The following GINS3 variants were observed in gnomAD, a reference collection of about 807,000 sequenced individuals.
The protein encoded by GINS3 is DNA replication complex GINS protein PSF3.
Under a neutral mutation model 20.0 loss-of-function variants are expected in GINS3, and 18 were observed. The observed-to-expected ratio is 0.90, with a 90% CI of 0.62 to 1.33. The LOEUF (loss-of-function observed/expected upper bound fraction) is 1.33, where lower values mean the gene tolerates loss of function less well. Ranked by LOEUF, GINS3 falls within the 40% of genes most tolerant of loss-of-function variation. The pLI is 0.00. For missense variants in GINS3, 254 were observed against 273.6 expected (o/e 0.93, Z 0.51); for synonymous variants, 109 against 107.0 (o/e 1.02, Z -0.12).
Position 58,403,616 on chromosome 16 carries a change from G to A in GINS3, c.420+285G>A, listed in dbSNP as rs1965987102. On this transcript the variant is annotated intron_variant, in intron 2 of 2. Coordinates refer to ENST00000318129, the MANE Select transcript of GINS3 (RefSeq NM_022770.4). ...AGGAAATGAGAAAAGGGTGATGATGGCCAGGCATGGTGGCTCACACCTGTA... is the reference window on the plus strand; with the variant it reads ...AGGAAATGAGAAAAGGGTGATGATGACCAGGCATGGTGGCTCACACCTGTA... The A allele has an allele frequency of 3.8e-5, 15 of 390,800 alleles. No individual in the cohort carries two copies. The South Asian group carries it at 4.1e-4, about 11-fold the overall frequency. The allele number at this position is 390,800 out of a possible 1,614,324, so 24.2% of individuals were successfully genotyped here.
intron 1 of GINS3, among the ~76,000 whole-genome samples, chr16:58,396,215 G>T (rs1307340428): frequency 2.4e-5 from 3 of 127,344 alleles, no homozygotes; most frequent in African/African-American, 9.4e-5. Context: ...GGGCGGCCGG[G>T]CAGAGGCGCC....
chr16:58,397,484 G>A (rs1237774671), intron 1 of GINS3, among the ~76,000 whole-genome samples: 2 of 151,944 alleles, frequency 1.3e-5, no homozygotes, highest in African/African-American at 4.8e-5. Flanking sequence ...GTATCGAGCC[G>A]AGATCACGCC....
Position 58,392,633 on chromosome 16 carries a change from G to A in GINS3, c.32G>A (p.Gly11Asp). 8 of 1,614,240 alleles carry A rather than the reference G, an allele frequency of 5.0e-6. No individual in the cohort carries two copies. Among genetic ancestry groups the A allele is most frequent in the African/African-American group, 1.3e-5 (1 of 75,076 alleles). MSEAYFRVES[G>D]ALGPEENFLS... ...GAGGCTTATTTCCGAGTGGAGTCGGGTGCGCTGGGGCCTGAGGAGAACTTT... is the reference window on the plus strand; with the variant it reads ...GAGGCTTATTTCCGAGTGGAGTCGGATGCGCTGGGGCCTGAGGAGAACTTT... The change falls in exon 1 of 3, where the codon GGT becomes GAT. Residue 11 changes from glycine (G) to aspartate (D), a missense_variant. By Grantham distance (94) the Gly-to-Asp change is moderately conservative. Coordinates refer to ENST00000318129, the MANE Select transcript of GINS3 (RefSeq NM_022770.4).
intron 1 of GINS3, chr16:58,395,270 TTC>T (rs1271875582): frequency 1.6e-5 from 6 of 372,530 alleles, no homozygotes; most frequent in African/African-American, 4.3e-5. Context: ...TGTCTAAATT[TTC>T]TTTTTTTTTT....
intron 1 of GINS3, among the ~76,000 whole-genome samples, chr16:58,398,654 T>G (rs989942275): frequency 2.0e-5 from 3 of 152,194 alleles, no homozygotes; most frequent in African/African-American, 7.2e-5. Context: ...TAATTTTGCG[T>G]TTTAAAATAC....
chr16:58,400,417 G>T (rs577427227), intron 1 of GINS3, among the ~76,000 whole-genome samples: 1 of 152,340 alleles, frequency 6.6e-6, no homozygotes, highest in African/African-American at 2.4e-5. Context: ...ATTGGAGGCT[G>T]TTCATGTGGC....
chr16:58,394,760 A>G (rs1221521705), intron 1 of GINS3, among the ~76,000 whole-genome samples: 2 of 152,248 alleles, frequency 1.3e-5, no homozygotes, highest in African/African-American at 4.8e-5. Context: ...AAGGGTGCCT[A>G]CTATCAACAG....
At chr16:58,401,471 T>G (rs1965953525) in intron 1 of GINS3, among the ~76,000 whole-genome samples, 1 of 152,170 alleles carries the variant, frequency 6.6e-6, no homozygotes, top group South Asian at 2.1e-4. Flanking sequence ...CCCACCCACA[T>G]CTTGCTGATT....
intron 1 of GINS3, among the ~76,000 whole-genome samples, chr16:58,396,413 G>A (rs1433813258): frequency 4.2e-5 from 5 of 117,802 alleles, no homozygotes; most frequent in African/African-American, 7.2e-5. Flanking sequence ...CCTCCCTCCC[G>A]GACGGGGCGG....
chr16:58,395,950 T>C (rs1339991501), intron 1 of GINS3, among the ~76,000 whole-genome samples: 17 of 129,916 alleles, frequency 1.3e-4, no homozygotes, highest in South Asian at 2.6e-4. Flanking sequence ...GGCGGCTGGC[T>C]GGGCGGGGGG....
Position 58,404,724 on chromosome 16 carries a change from G to A in GINS3, c.646G>A (p.Asp216Asn), listed in dbSNP as rs933732998. The A allele has an allele frequency of 3.7e-6, 6 of 1,612,064 alleles. No individual in the cohort carries two copies. In the African/African-American group the frequency reaches 8.0e-5, roughly 22 times the overall value. Residue 216 changes from aspartate to asparagine, a missense_variant, in exon 3 of 3, where the codon GAC (aspartate) becomes AAC (asparagine). By Grantham distance (23) the Asp-to-Asn change is conservative. Coordinates refer to ENST00000318129, the MANE Select transcript of GINS3 (RefSeq NM_022770.4). ...YKKRKFTDMED is the reference protein window; with the variant it reads ...YKKRKFTDMEN Reference sequence around the variant, plus strand: ...GAAGAGAAAATTCACTGATATGGAAGACTGAAAGCCGGAAGAACACAGAAT... The same window carrying A: ...GAAGAGAAAATTCACTGATATGGAAAACTGAAAGCCGGAAGAACACAGAAT...
At chr16:58,399,236 C>T (rs1282939257) in intron 1 of GINS3, among the ~76,000 whole-genome samples, 1 of 151,348 alleles carries the variant, frequency 6.6e-6, no homozygotes, top group Non-Finnish European at 1.5e-5. Context: ...ATTACTTGAG[C>T]CTAGAAGACC....
rs370877585 is a variant in GINS3, at chr16:58,398,136, C to CCACA, written c.187-4949_187-4946dup. Among the ~76,000 whole-genome samples the CCACA allele has an allele frequency of 5.1e-3, 767 of 150,420 alleles. 6 individuals carry two copies. Among genetic ancestry groups the CCACA allele is most frequent in the African/African-American group, 0.016 (670 of 41,076 alleles). On this transcript the variant is annotated intron_variant, in intron 1 of 2. Transcript: ENST00000318129. ...ACTTTATTTGGGCTTAATTCTCCCACCACACACACACACACAGATACACAT... is the reference window on the plus strand; with the variant it reads ...ACTTTATTTGGGCTTAATTCTCCCACCACACACACACACACACACAGATACACAT...
intron 1 of GINS3, among the ~76,000 whole-genome samples, chr16:58,396,767 C>T (rs1965874608): frequency 8.2e-6 from 1 of 121,368 alleles, no homozygotes; most frequent in East Asian, 2.6e-4. Context: ...GGGGGGCTGA[C>T]CCCCCCACCT....
At chr16:58,398,307 A>G (rs1965911587) in intron 1 of GINS3, among the ~76,000 whole-genome samples, 1 of 152,198 alleles carries the variant, frequency 6.6e-6, no homozygotes, top group Admixed American at 6.5e-5. Flanking sequence ...TTCATTATCA[A>G]TGAACTAAAA....
intron 1 of GINS3, among the ~76,000 whole-genome samples, chr16:58,396,866 C>G (rs1339893787): frequency 1.4e-4 from 19 of 133,470 alleles, no homozygotes; most frequent in South Asian, 5.0e-4. Context: ...ACCTCCCGGA[C>G]GGGGCGGCTG....
chr16:58,398,924 A>G (rs898269352), intron 1 of GINS3, among the ~76,000 whole-genome samples: 3 of 152,248 alleles, frequency 2.0e-5, no homozygotes, highest in Admixed American at 2.0e-4. Context: ...AGTGTGCAAT[A>G]AATAATCCGT....
intron 1 of GINS3, among the ~76,000 whole-genome samples, chr16:58,396,948 A>T (rs149354111): frequency 0.034 from 4,540 of 132,134 alleles, 102 homozygotes; most frequent in African/African-American, 0.079. Flanking sequence ...TGCTCCTCAC[A>T]TCCCAGTAGG....
At chr16:58,397,821 GGGGAGAGGGAGA>G (rs918393686) in intron 1 of GINS3, among the ~76,000 whole-genome samples, 2 of 151,704 alleles carry the variant, frequency 1.3e-5, no homozygotes, top group Non-Finnish European at 2.9e-5. Flanking sequence ...GGGAGACCGT[GGGGAGAGGGAGA>G]GGGAAAGGGA....
Sources: gnomAD v4.1 joint callset for allele counts (sites outside exome capture counted in the v4.1 genomes callset) on GRCh38, gnomAD v4.1.1 for gene constraint, MANE v1.5 for transcripts, NCBI Gene and HGNC (gene_info 2026-07-23, HGNC 2026-07-21) for gene names.